CAPZB: variants seen among roughly 807,000 people sequenced by gnomAD.
CAPZB encodes F-actin-capping protein subunit beta.
Under a neutral mutation model 38.1 loss-of-function variants are expected in CAPZB, and 2 were observed. The observed-to-expected ratio is 0.05, with a 90% CI of 0.02 to 0.17. The LOEUF is 0.17. CAPZB is among the 10% of genes least tolerant of loss of function. The probability of loss-of-function intolerance (pLI) is 1.00; values close to 1 mark genes in which losing one functional copy is unlikely to be tolerated. For missense variants in CAPZB, 161 were observed against 334.2 expected (o/e 0.48, Z 4.04); for synonymous variants, 107 against 127.4 (o/e 0.84, Z 1.08).
At chr1:19,484,761 G>A (rs987227306) in intron 1 of CAPZB, 37 of 1,018,500 alleles carry the variant, frequency 3.6e-5, no homozygotes, top group Non-Finnish European at 3.9e-5. Flanking sequence ...CGCTAGGAGT[G>A]GCGAAAAGTC....
intron 4 of CAPZB, among the ~76,000 whole-genome samples, chr1:19,371,261 C>T (rs1384362624): frequency 6.6e-6 from 1 of 152,170 alleles, no homozygotes; most frequent in Non-Finnish European, 1.5e-5. Flanking sequence ...GCCTGCTACC[C>T]CATCAGGTCC....
chr1:19,451,927 T>C (rs1359213281), intron 1 of CAPZB, among the ~76,000 whole-genome samples: 1 of 152,162 alleles, frequency 6.6e-6, no homozygotes, highest in Non-Finnish European at 1.5e-5. Flanking sequence ...TTACTGTTTA[T>C]TATTGTAATT....
intron 1 of CAPZB, among the ~76,000 whole-genome samples, chr1:19,443,471 G>A (rs1358778868): frequency 6.6e-6 from 1 of 151,972 alleles, no homozygotes; most frequent in East Asian, 1.9e-4. Context: ...ATATAGCCAC[G>A]GCAGCACCAC....
chr1:19,384,896 C>A (rs1267058099), intron 3 of CAPZB, among the ~76,000 whole-genome samples: 1 of 152,174 alleles, frequency 6.6e-6, no homozygotes, highest in Non-Finnish European at 1.5e-5. Flanking sequence ...TACCGTCCCA[C>A]CCTGAACAGA....
In CAPZB at chr1:19,339,256, A is replaced by G; in HGVS notation, c.*274T>C. 2.2e-6 allele frequency: 1 copy of G among 459,150 alleles called. No homozygotes were observed. The highest frequency in any genetic ancestry group is 3.9e-6 in the Non-Finnish European group (1 of 255,696). The allele number at this position is 459,150 out of a possible 1,614,324, so 28.4% of individuals were successfully genotyped here. A position where few individuals can be genotyped will look rare whatever the true frequency, so the allele number is the denominator to read the frequency against. ...TATGCCTATAAATGGGGGGACAGGG[A>G]GGAAGACGGGGGGCCCGGGTGAACA... On this transcript the variant is annotated 3_prime_UTR_variant, in exon 9 of 9. Transcript: ENST00000264202.
intron 1 of CAPZB, among the ~76,000 whole-genome samples, chr1:19,459,792 C>A (rs936653191): frequency 6.6e-6 from 1 of 152,200 alleles, no homozygotes; most frequent in African/African-American, 2.4e-5. Flanking sequence ...AAATTTCCCA[C>A]GGCTCTGAGT....
At chr1:19,371,620 G>A (rs773414892) in intron 4 of CAPZB, among the ~76,000 whole-genome samples, 1 of 152,222 alleles carries the variant, frequency 6.6e-6, no homozygotes, top group Non-Finnish European at 1.5e-5. Context: ...GACGCCATGG[G>A]TGAGGGTCAG....
At chr1:19,449,805 G>A (rs1296613008) in intron 1 of CAPZB, among the ~76,000 whole-genome samples, 21 of 148,796 alleles carry the variant, frequency 1.4e-4, no homozygotes, top group Non-Finnish European at 2.8e-4. Context: ...AAAAAAGAGA[G>A]AGACAGAGAG....
At chr1:19,429,537 C>T (rs1448784224) in intron 1 of CAPZB, among the ~76,000 whole-genome samples, 2 of 152,176 alleles carry the variant, frequency 1.3e-5, no homozygotes, top group South Asian at 2.1e-4. Flanking sequence ...CTGGGTCCGA[C>T]GGTACTGTCT....
rs143359722 is a variant in CAPZB, at chr1:19,427,629, T to C, written c.4-7879A>G. Among the ~76,000 whole-genome samples the C allele has an allele frequency of 1.7e-3, 204 of 118,946 alleles. 1 individual carries two copies. Among genetic ancestry groups the C allele is most frequent in the Admixed American group, 2.2e-3 (25 of 11,284 alleles). The allele number at this position is 118,946 out of a possible 152,430, so 78.0% of individuals were successfully genotyped here. A position where few individuals can be genotyped will look rare whatever the true frequency, so the allele number is the denominator to read the frequency against. On this transcript the variant is annotated intron_variant, in intron 1 of 8. Coordinates refer to ENST00000264202, the MANE Select transcript of CAPZB (RefSeq NM_004930.5). Reference sequence around the variant, plus strand: ...TTAGGTCACTCTGGAAAACTGCACATTTTGGATTAATAAAAAGAAAAGTGC... The same window carrying C: ...TTAGGTCACTCTGGAAAACTGCACACTTTGGATTAATAAAAAGAAAAGTGC...
At chr1:19,414,401 G>T (rs1301260234) in intron 2 of CAPZB, among the ~76,000 whole-genome samples, 1 of 152,146 alleles carries the variant, frequency 6.6e-6, no homozygotes, top group Non-Finnish European at 1.5e-5. Flanking sequence ...AAAAAATCAG[G>T]ATGTCTCTTC....
chr1:19,344,519 C>T, intron 7 of CAPZB, 85 bp from the exon 8 acceptor site: 1 of 1,065,228 alleles, frequency 9.4e-7, no homozygotes, highest in South Asian at 1.3e-5. Context: ...GCCCTGCAGT[C>T]CCCAGTGTGG....
intron 1 of CAPZB, among the ~76,000 whole-genome samples, chr1:19,422,914 A>G (rs1317556091): frequency 6.6e-6 from 1 of 152,252 alleles, no homozygotes; most frequent in Non-Finnish European, 1.5e-5. Context: ...GGGATTAACT[A>G]GAAAACTGAG....
intron 1 of CAPZB, among the ~76,000 whole-genome samples, chr1:19,479,873 C>A (rs2094621216): frequency 6.6e-6 from 1 of 152,204 alleles, no homozygotes; most frequent in Non-Finnish European, 1.5e-5. Flanking sequence ...ACTCCTGAGA[C>A]TGAGGCACCC....
At chr1:19,468,529 G>C (rs2094575754) in intron 1 of CAPZB, among the ~76,000 whole-genome samples, 1 of 152,162 alleles carries the variant, frequency 6.6e-6, no homozygotes, top group African/African-American at 2.4e-5. Flanking sequence ...GGAAGTCAAT[G>C]ATAAACTCTG....
At chr1:19,395,780 C>T (rs904020699) in intron 2 of CAPZB, among the ~76,000 whole-genome samples, 1 of 152,198 alleles carries the variant, frequency 6.6e-6, no homozygotes, top group Non-Finnish European at 1.5e-5. Context: ...ATTAAGGACT[C>T]GTCCCTGAGA....
chr1:19,461,889 C>T (rs1388013286), intron 1 of CAPZB, among the ~76,000 whole-genome samples: 1 of 152,202 alleles, frequency 6.6e-6, no homozygotes, highest in Non-Finnish European at 1.5e-5. Context: ...TAAGTCATTA[C>T]ATTTAAGTGA....
At chr1:19,480,936 C>A (rs894405760) in intron 1 of CAPZB, among the ~76,000 whole-genome samples, 8 of 152,192 alleles carry the variant, frequency 5.3e-5, no homozygotes, top group African/African-American at 1.9e-4. Flanking sequence ...TAACCATACA[C>A]CCCTTTGCAC....
chr1:19,459,976 A>T (rs977116550), intron 1 of CAPZB, among the ~76,000 whole-genome samples: 2 of 152,164 alleles, frequency 1.3e-5, no homozygotes, highest in African/African-American at 4.8e-5. Context: ...CCCAAAGCGC[A>T]AGAGTAGTGA....
Sources: gnomAD v4.1 joint callset for allele counts (sites outside exome capture counted in the v4.1 genomes callset) on GRCh38, gnomAD v4.1.1 for gene constraint, MANE v1.5 for transcripts, NCBI Gene and HGNC (gene_info 2026-07-23, HGNC 2026-07-21) for gene names.